FGD6: variants seen among roughly 807,000 people sequenced by gnomAD.
FGD6 encodes the protein FYVE, RhoGEF and PH domain-containing protein 6.
FGD6 carries 90 observed loss-of-function variants against 149.4 expected under a neutral mutation model. The observed-to-expected ratio is 0.60, with a 90% confidence interval of 0.51 to 0.72. The LOEUF is 0.72. FGD6 is among the 30% of genes least tolerant of loss of function. FGD6 has a pLI of 0.00. For missense variants in FGD6, 1,437 were observed against 1,684.8 expected (o/e 0.85, Z 2.57); for synonymous variants, 527 against 584.0 (o/e 0.90, Z 1.41).
chr12:95,209,460 A>C lies in FGD6; in HGVS notation c.1824T>G (p.Ala608=). 1 of 1,612,232 alleles carries C rather than the reference A, an allele frequency of 6.2e-7. No homozygotes were observed. The highest frequency in any genetic ancestry group is 8.5e-7 in the Non-Finnish European group (1 of 1,179,312). The change falls in exon 2 of 21, where the codon GCT becomes GCG. Residue 608 remains alanine, a synonymous_variant. Coordinates refer to ENST00000343958, the MANE Select transcript of FGD6 (RefSeq NM_018351.4). The part of the protein sequence containing the change: ...LTKPRAKSLS[A]MDVEKCTKPC... ...GCTTAGTGCACTTTTCCACATCCAT[A>C]GCAGATAACGATTTTGCTCTGGGCT... is the stretch of plus-strand genomic sequence containing the variant.
chr12:95,157,504 T>G (rs1045621155), intron 3 of FGD6, among the ~76,000 whole-genome samples: 6 of 139,154 alleles, frequency 4.3e-5, no homozygotes, highest in Non-Finnish European at 9.0e-5. Context: ...AGGCAGAGGT[T>G]GCAGTGAGTC....
At chr12:95,090,086 G>A (rs753642343) in intron 17 of FGD6, among the ~76,000 whole-genome samples, 4 of 152,080 alleles carry the variant, frequency 2.6e-5, no homozygotes, top group Non-Finnish European at 5.9e-5. Context: ...GGGGGCTATC[G>A]GACACGGATG....
At chr12:95,191,952 G>C (rs917986137) in intron 2 of FGD6, among the ~76,000 whole-genome samples, 8 of 152,022 alleles carry the variant, frequency 5.3e-5, no homozygotes, top group African/African-American at 1.5e-4. Context: ...TGGCCAGGCT[G>C]GTCTCGAACT....
At chr12:95,101,884 C>A (rs535552498) in intron 14 of FGD6, among the ~76,000 whole-genome samples, 1 of 151,582 alleles carries the variant, frequency 6.6e-6, no homozygotes, top group Admixed American at 6.6e-5. Context: ...GGTTTCCCCA[C>A]GTTGGCCAGG....
At chr12:95,111,541 G>A (rs754048646) in intron 9 of FGD6, among the ~76,000 whole-genome samples, 7 of 152,064 alleles carry the variant, frequency 4.6e-5, no homozygotes, top group South Asian at 2.1e-4. Flanking sequence ...AGGGGCTGCC[G>A]TCGGGAATGC....
intron 8 of FGD6, among the ~76,000 whole-genome samples, chr12:95,118,590 C>G (rs1272354145): frequency 6.6e-6 from 1 of 152,144 alleles, no homozygotes; most frequent in East Asian, 1.9e-4. Flanking sequence ...CAGTCAGATT[C>G]CTGGACCGTG....
intron 2 of FGD6, among the ~76,000 whole-genome samples, chr12:95,176,821 T>C (rs1211683159): frequency 6.6e-6 from 1 of 152,096 alleles, no homozygotes; most frequent in African/African-American, 2.4e-5. Flanking sequence ...CTTTTAAAAT[T>C]TTAATTTATT....
chr12:95,099,202 G>C (rs1361592270), intron 14 of FGD6, among the ~76,000 whole-genome samples: 1 of 152,126 alleles, frequency 6.6e-6, no homozygotes, highest in Non-Finnish European at 1.5e-5. Flanking sequence ...TTAATCCACT[G>C]TGTCCCGATG....
chr12:95,148,198 G>A (rs941105735), intron 5 of FGD6, among the ~76,000 whole-genome samples: 6 of 151,192 alleles, frequency 4.0e-5, no homozygotes, highest in African/African-American at 1.2e-4. Flanking sequence ...AAAAGTCAGG[G>A]TGTATTCAGT....
chr12:95,114,255 A>C (rs1336212001), intron 8 of FGD6, among the ~76,000 whole-genome samples: 1 of 152,126 alleles, frequency 6.6e-6, no homozygotes, highest in African/African-American at 2.4e-5. Flanking sequence ...GTCTGGAGAC[A>C]GTTGTGGTTG....
At chr12:95,097,451 C>A (rs1878271580) in intron 14 of FGD6, among the ~76,000 whole-genome samples, 1 of 151,920 alleles carries the variant, frequency 6.6e-6, no homozygotes, top group Non-Finnish European at 1.5e-5. Context: ...GCCTGGCCAA[C>A]ATGTGAAAAC....
chr12:95,159,486 T>C (rs745639071), intron 3 of FGD6, among the ~76,000 whole-genome samples: 8 of 152,178 alleles, frequency 5.3e-5, no homozygotes, highest in Non-Finnish European at 1.2e-4. Context: ...AACCATAGAC[T>C]GGAGAAAATA....
At chr12:95,159,264 AGAG>A (rs1255164155) in intron 3 of FGD6, among the ~76,000 whole-genome samples, 1 of 152,190 alleles carries the variant, frequency 6.6e-6, no homozygotes, top group East Asian at 1.9e-4. Flanking sequence ...AGACTTGTGT[AGAG>A]GAGGCTACTC....
rs896102590 is a variant in FGD6, at chr12:95,209,420, T to C, written c.1864A>G (p.Thr622Ala). Residue 622 changes from threonine to alanine, a missense_variant, in exon 2 of 21, where the codon ACA becomes GCA. Coordinates refer to ENST00000343958, the MANE Select transcript of FGD6 (RefSeq NM_018351.4). ...EKCTKPCKDS[T>A]KKNSFKKLLS... ...AACTTTTTAAAAGAGTTTTTCTTTG[T>C]AGAGTCTTTGCAAGGCTTAGTGCAC... is the stretch of plus-strand genomic sequence containing the variant. The C allele has an allele frequency of 6.2e-7, 1 of 1,613,224 alleles. No individual in the cohort carries two copies. Among genetic ancestry groups the C allele is most frequent in the Non-Finnish European group, 8.5e-7 (1 of 1,179,412 alleles).
intron 8 of FGD6, chr12:95,117,104 G>A: frequency 4.1e-6 from 1 of 244,144 alleles, no homozygotes; most frequent in South Asian, 5.0e-5. Context: ...AACGAGGAGA[G>A]CAGTCATTTC....
chr12:95,099,644 A>G (rs1262059752), intron 14 of FGD6, among the ~76,000 whole-genome samples: 1 of 152,024 alleles, frequency 6.6e-6, no homozygotes, highest in Non-Finnish European at 1.5e-5. Context: ...ACCATTGTTC[A>G]TCACTTTAAC....
chr12:95,208,902 T>C lies in FGD6; in HGVS notation c.2382A>G (p.Glu794=), dbSNP rs771128589. 1 of 1,614,144 alleles carries C rather than the reference T, an allele frequency of 6.2e-7. No individual in the cohort carries two copies. The highest frequency in any genetic ancestry group is 8.5e-7 in the Non-Finnish European group (1 of 1,180,016). Residue 794 remains glutamate, a synonymous_variant, in exon 2 of 21, where the codon GAA becomes GAG. Transcript: ENST00000343958. ...GGCCATCTGGAGCTTCATACGGCTCTTCTACCTCATACACATTTGCATCAG... is the reference window on the plus strand; with the variant it reads ...GGCCATCTGGAGCTTCATACGGCTCCTCTACCTCATACACATTTGCATCAG... ...EDADANVYEV[E]EPYEAPDGQL...
chr12:95,114,492 A>AG (rs1878945517), intron 8 of FGD6, among the ~76,000 whole-genome samples: 2 of 26,666 alleles, frequency 7.5e-5, no homozygotes, highest in East Asian at 1.5e-3. Context: ...ACACACACAC[A>AG]CGTCAGACGT....
chr12:95,200,780 C>T (rs930126306), intron 2 of FGD6, among the ~76,000 whole-genome samples: 1 of 152,086 alleles, frequency 6.6e-6, no homozygotes, highest in African/African-American at 2.4e-5. Context: ...GTTTTTGCTC[C>T]AGAGATCCAC....
Sources: gnomAD v4.1 joint callset for allele counts (sites outside exome capture counted in the v4.1 genomes callset) on GRCh38, gnomAD v4.1.1 for gene constraint, MANE v1.5 for transcripts, NCBI Gene and HGNC (gene_info 2026-07-23, HGNC 2026-07-21) for gene names.